The following SPOCK3 variants were observed in gnomAD, a reference collection of about 807,000 sequenced individuals.
SPOCK3 encodes the protein SPARC (osteonectin), cwcv and kazal like domains proteoglycan 3, also known as testican-3.
In SPOCK3, 30 loss-of-function variants were observed where a neutral mutation model predicts 56.6. The ratio of observed to expected loss-of-function variants is 0.53; its 90% confidence interval spans 0.40 to 0.72. SPOCK3 has a LOEUF of 0.72. Among genes scored for constraint, SPOCK3 ranks in the 30% least tolerant of loss-of-function variants. The pLI is 0.00. For missense variants in SPOCK3, 527 were observed against 530.0 expected, an observed-to-expected ratio of 0.99 and a Z score of 0.06; for synonymous variants, 196 against 183.3, an observed-to-expected ratio of 1.07 and a Z score of -0.56.
chr4:166,866,865 G>C (rs536566555), intron 6 of SPOCK3, among the ~76,000 whole-genome samples: 1 of 151,996 alleles, frequency 6.6e-6, no homozygotes, highest in African/African-American at 2.4e-5. Context: ...ACTCCATATT[G>C]CATGTCCGTG....
At chr4:167,082,752 AAGGAAGGG>A (rs1436663477) in intron 2 of SPOCK3, among the ~76,000 whole-genome samples, 14 of 128,402 alleles carry the variant, frequency 1.1e-4, no homozygotes, top group African/African-American at 3.8e-4. Context: ...GGAAGGAAGG[AAGGAAGGG>A]AGGGAGGGAG....
At chr4:166,838,605 T>C (rs575775502) in intron 6 of SPOCK3, among the ~76,000 whole-genome samples, 10 of 150,694 alleles carry the variant, frequency 6.6e-5, no homozygotes, top group Middle Eastern at 6.8e-3. Flanking sequence ...AACTATTTGT[T>C]TCAAGTATGT....
chr4:166,947,241 C>G (rs144094756), intron 4 of SPOCK3, among the ~76,000 whole-genome samples: 3 of 152,206 alleles, frequency 2.0e-5, no homozygotes, highest in African/African-American at 4.8e-5. Context: ...CAGCCCCATG[C>G]TTTGTTCTAA....
intron 6 of SPOCK3, among the ~76,000 whole-genome samples, chr4:166,873,801 T>C (rs1732762018): frequency 6.6e-6 from 1 of 152,102 alleles, no homozygotes; most frequent in Non-Finnish European, 1.5e-5. Flanking sequence ...GAACATAGGT[T>C]GGTAGTTGGG....
chr4:166,753,375 T>G (rs575466994), intron 8 of SPOCK3, among the ~76,000 whole-genome samples: 4 of 152,004 alleles, frequency 2.6e-5, no homozygotes, highest in Non-Finnish European at 4.4e-5. Context: ...AAAGCACATA[T>G]GTAATGTAGC....
At chr4:166,967,240 C>T (rs976602310) in intron 4 of SPOCK3, among the ~76,000 whole-genome samples, 1 of 152,134 alleles carries the variant, frequency 6.6e-6, no homozygotes, top group Non-Finnish European at 1.5e-5. Flanking sequence ...TGGCACCCGC[C>T]TAATCTGATT....
At chr4:167,122,084 CTT>C (rs1761913562) in intron 2 of SPOCK3, among the ~76,000 whole-genome samples, 1 of 148,252 alleles carries the variant, frequency 6.7e-6, no homozygotes, top group African/African-American at 2.5e-5. Context: ...CTTTTCCTTT[CTT>C]TTCTTTTTTC....
intron 2 of SPOCK3, among the ~76,000 whole-genome samples, chr4:167,119,417 T>A (rs143564478): frequency 1.8e-3 from 281 of 152,254 alleles, no homozygotes; most frequent in African/African-American, 6.6e-3. Context: ...CATCCCCAAG[T>A]CTTATAAAGA....
In SPOCK3 at chr4:167,089,063, G is replaced by A. The variant is rs531602228; in HGVS notation, c.190-26526C>T. On this transcript the variant is annotated intron_variant, in intron 2 of 10. Coordinates refer to ENST00000357545, the MANE Select transcript of SPOCK3 (RefSeq NM_001040159.2). Reference sequence around the variant, plus strand: ...ACATATTGAAACTGCACTTAGTTATGAGGTGCTGGTATTCTATAAATGAAA... The same window carrying A: ...ACATATTGAAACTGCACTTAGTTATAAGGTGCTGGTATTCTATAAATGAAA... Among the ~76,000 whole-genome samples, 121 of 152,140 alleles carry A rather than the reference G, an allele frequency of 8.0e-4. 1 individual carries two copies. The highest frequency in any genetic ancestry group is 2.8e-3 in the African/African-American group (118 of 41,526).
chr4:167,192,641 C>T (rs1732571416), intron 2 of SPOCK3, among the ~76,000 whole-genome samples: 1 of 145,292 alleles, frequency 6.9e-6, no homozygotes. Context: ...CTGTTTCTTT[C>T]CTTCTGTTAG....
chr4:166,769,546 A>G (rs1455243250), intron 7 of SPOCK3, among the ~76,000 whole-genome samples: 1 of 152,126 alleles, frequency 6.6e-6, no homozygotes, highest in Non-Finnish European at 1.5e-5. Flanking sequence ...GTTCCTCTGG[A>G]AGCTTCGTCT....
intron 4 of SPOCK3, among the ~76,000 whole-genome samples, chr4:166,995,594 T>G (rs1424159231): frequency 3.9e-5 from 6 of 151,988 alleles, no homozygotes; most frequent in African/African-American, 1.4e-4. Flanking sequence ...CCTATCTATC[T>G]AACTATACCT....
At chr4:166,748,713 G>A (rs1257585076) in intron 8 of SPOCK3, among the ~76,000 whole-genome samples, 1 of 136,862 alleles carries the variant, frequency 7.3e-6, no homozygotes, top group Non-Finnish European at 1.5e-5. Context: ...TACAGAATGG[G>A]AGAAAATTTT....
At chr4:166,978,436 G>T (rs1746199933) in intron 4 of SPOCK3, among the ~76,000 whole-genome samples, 1 of 152,106 alleles carries the variant, frequency 6.6e-6, no homozygotes, top group Admixed American at 6.6e-5. Flanking sequence ...GATCTCTATT[G>T]TTTGAACAAA....
At chr4:167,222,094 T>G (rs1735976236) in intron 2 of SPOCK3, among the ~76,000 whole-genome samples, 1 of 151,994 alleles carries the variant, frequency 6.6e-6, no homozygotes, top group Admixed American at 6.6e-5. Context: ...AAATGTAAAA[T>G]ATACATACAA....
At chr4:166,840,771 G>GTTGTTTTT (rs1747165330) in intron 6 of SPOCK3, among the ~76,000 whole-genome samples, 1 of 68,194 alleles carries the variant, frequency 1.5e-5, no homozygotes, top group Non-Finnish European at 2.7e-5. Flanking sequence ...AGAAGCAAAA[G>GTTGTTTTT]TTTTTTTTTT....
intron 8 of SPOCK3, among the ~76,000 whole-genome samples, chr4:166,744,333 A>T (rs1216933886): frequency 2.0e-5 from 3 of 152,192 alleles, no homozygotes; most frequent in Non-Finnish European, 2.9e-5. Flanking sequence ...GGTGATACCC[A>T]GGCAAACAGG....
chr4:167,030,014 C>T (rs1580056855), intron 3 of SPOCK3, among the ~76,000 whole-genome samples: 1 of 151,756 alleles, frequency 6.6e-6, no homozygotes, highest in African/African-American at 2.4e-5. Context: ...AGTATTTTCT[C>T]GCTCTTCTAT....
chr4:167,087,679 T>C (rs557076313), intron 2 of SPOCK3, among the ~76,000 whole-genome samples: 1 of 152,296 alleles, frequency 6.6e-6, no homozygotes, highest in Non-Finnish European at 1.5e-5. Context: ...CCTAAAGTTA[T>C]TGAATTTATT....
Sources: gnomAD v4.1 joint callset for allele counts (sites outside exome capture counted in the v4.1 genomes callset) on GRCh38, gnomAD v4.1.1 for gene constraint, MANE v1.5 for transcripts, NCBI Gene and HGNC (gene_info 2026-07-23, HGNC 2026-07-21) for gene names.